Variants in CCDC150 observed in about 807,000 individuals in gnomAD.
CCDC150 encodes the protein coiled-coil domain containing 150.
CCDC150 carries 151 observed loss-of-function variants against 156.5 expected under a neutral mutation model. The observed-to-expected ratio is 0.97, with a 90% confidence interval of 0.85 to 1.10. CCDC150 has a LOEUF of 1.10. Ranked by LOEUF, CCDC150 falls within the 50% of genes least tolerant of loss-of-function variation. CCDC150 has a pLI of 0.00. For synonymous variants in CCDC150, 452 were observed against 429.4 expected, an observed-to-expected ratio of 1.05 and a Z score of -0.65; for missense variants, 1,312 against 1,268.1, an observed-to-expected ratio of 1.03 and a Z score of -0.53.
chr2:196,668,588 T>C (rs1169657772), intron 7 of CCDC150, among the ~76,000 whole-genome samples: 2 of 152,290 alleles, frequency 1.3e-5, no homozygotes, highest in Admixed American at 1.3e-4. Context: ...AATTATAGAC[T>C]TGACATATAT....
chr2:196,675,494 T>A (rs1043610400), intron 10 of CCDC150, among the ~76,000 whole-genome samples: 1 of 152,176 alleles, frequency 6.6e-6, no homozygotes, highest in African/African-American at 2.4e-5. Context: ...TAAAACTAAT[T>A]GTTGATATGT....
At chr2:196,732,236 C>G (rs1447704480) in intron 27 of CCDC150, 84 bp downstream of exon 27, 2 of 1,442,780 alleles carry the variant, frequency 1.4e-6, no homozygotes, top group Admixed American at 3.7e-5. Context: ...CTCATCATCT[C>G]GATACTCTCT....
At chr2:196,671,718 G>A (rs1196897993) in intron 8 of CCDC150, among the ~76,000 whole-genome samples, 4 of 152,040 alleles carry the variant, frequency 2.6e-5, no homozygotes, top group African/African-American at 4.8e-5. Context: ...ATGAGCCATC[G>A]TGCCTGGCTG....
At position 196,639,722 on chromosome 2, in the gene CCDC150, C is replaced by G; in HGVS notation, c.-45C>G. On this transcript the variant is annotated 5_prime_UTR_variant, in exon 1 of 28. Transcript: ENST00000389175. ...GGTTTAAAATGCTGTGTTAGTTCCA[C>G]GGAAACCCGCTCGCCTGCTGCAGTA... 2 of 1,514,538 alleles carry G rather than the reference C, an allele frequency of 1.3e-6. No individual in the cohort carries two copies. Among genetic ancestry groups the G allele is most frequent in the Non-Finnish European group, 1.8e-6 (2 of 1,122,628 alleles). 93.8% of individuals were successfully genotyped at this position (1,514,538 alleles called of 1,614,324 possible). A position where few individuals can be genotyped will look rare whatever the true frequency, so the allele number is the denominator to read the frequency against.
At position 196,705,268 on chromosome 2, in the gene CCDC150, T is replaced by C. The variant is rs139028127; in HGVS notation, c.1695+4088T>C. Among the ~76,000 whole-genome samples the C allele has an allele frequency of 7.4e-3, 1,120 of 152,344 alleles. 11 individuals are homozygous for C. The highest frequency in any genetic ancestry group is 0.026 in the African/African-American group (1,064 of 41,580). ...CTTCTAACTGGTGTGAGATGGTATC[T>C]CATTGTGGTTTTGATTTGCATTTCT... On this transcript the variant is annotated intron_variant, in intron 15 of 27. Transcript: ENST00000389175.
intron 15 of CCDC150, among the ~76,000 whole-genome samples, chr2:196,709,331 C>T (rs377696110): frequency 9.9e-5 from 15 of 152,248 alleles, no homozygotes; most frequent in South Asian, 2.1e-4. Flanking sequence ...ACGTAGTTCT[C>T]GTGCCATGGT....
intron 10 of CCDC150, 27 bp downstream of exon 10, chr2:196,674,375 A>C (rs1427175285): frequency 2.8e-6 from 4 of 1,421,086 alleles, no homozygotes; most frequent in Non-Finnish European, 3.9e-6. Context: ...AAAGCCAACC[A>C]GAAAGCCAGC....
intron 13 of CCDC150, among the ~76,000 whole-genome samples, chr2:196,687,637 G>A (rs962695152): frequency 2.0e-5 from 3 of 151,996 alleles, no homozygotes; most frequent in Non-Finnish European, 2.9e-5. Context: ...CTTTCGTTGC[G>A]ATTGCTTTTG....
intron 5 of CCDC150, among the ~76,000 whole-genome samples, chr2:196,661,708 G>A (rs1693567291): frequency 6.6e-6 from 1 of 152,202 alleles, no homozygotes; most frequent in African/African-American, 2.4e-5. Flanking sequence ...AAATCTGGAT[G>A]TGATAAACAT....
chr2:196,720,417 T>C (rs893231741), intron 19 of CCDC150, among the ~76,000 whole-genome samples, 158 bp from the exon 20 acceptor site: 1 of 152,254 alleles, frequency 6.6e-6, no homozygotes, highest in East Asian at 1.9e-4. Context: ...TCAATCTTTG[T>C]AAAGGCAATA....
chr2:196,646,130 T>G (rs1055697284), intron 1 of CCDC150, among the ~76,000 whole-genome samples: 3 of 152,200 alleles, frequency 2.0e-5, no homozygotes, highest in African/African-American at 7.2e-5. Context: ...CCTGGGATGT[T>G]GCTCATCTCA....
intron 22 of CCDC150, chr2:196,726,339 A>C (rs1698208530): frequency 2.6e-6 from 1 of 388,796 alleles, no homozygotes; most frequent in Middle Eastern, 8.3e-4. Context: ...GATAAGCAAG[A>C]GGGATAGAGG....
At chr2:196,659,968 C>T (rs1281220538) in intron 5 of CCDC150, among the ~76,000 whole-genome samples, 1 of 152,138 alleles carries the variant, frequency 6.6e-6, no homozygotes, top group Non-Finnish European at 1.5e-5. Context: ...CCCTGTGTTC[C>T]ACCTACCCAT....
Position 196,695,090 on chromosome 2 carries a change from A to C in CCDC150, c.1554A>C (p.Glu518Asp), listed in dbSNP as rs1289503498. Residue 518 changes from glutamate to aspartate, a missense_variant, in exon 14 of 28, where the codon GAA becomes GAC. Physicochemically the swap from Glu to Asp is conservative, Grantham distance 45 (BLOSUM62 2). Coordinates refer to ENST00000389175, the MANE Select transcript of CCDC150 (RefSeq NM_001080539.2). ...CTCATAACCTGCAGACTCTTGAAGA[A>C]GAGAATAAGCACCTGGCAGATCAAA... ...TLTHNLQTLE[E>D]ENKHLADQMA... The C allele has an allele frequency of 6.2e-7, 1 of 1,612,668 alleles. No individual in the cohort carries two copies. The highest frequency in any genetic ancestry group is 8.5e-7 in the Non-Finnish European group (1 of 1,179,004).
intron 2 of CCDC150, among the ~76,000 whole-genome samples, chr2:196,648,698 A>G (rs2125571565): frequency 6.6e-6 from 1 of 152,272 alleles, no homozygotes; most frequent in Middle Eastern, 3.4e-3. Flanking sequence ...GTCATATCCA[A>G]GAAATCATTG....
chr2:196,683,969 T>G (rs1480044321), intron 13 of CCDC150, among the ~76,000 whole-genome samples: 1 of 152,050 alleles, frequency 6.6e-6, no homozygotes, highest in African/African-American at 2.4e-5. Context: ...GTGGAAGTTT[T>G]TATAGATTTT....
intron 6 of CCDC150, 120 bp from the exon 7 acceptor site, chr2:196,666,599 T>C (rs984918083): frequency 1.4e-4 from 115 of 842,682 alleles, no homozygotes; most frequent in Non-Finnish European, 1.8e-4. Flanking sequence ...TAACATAGAC[T>C]AACTTCTTGT....
In CCDC150 at chr2:196,732,161, A is replaced by G. The variant is rs745399958; in HGVS notation, c.3189+9A>G. 6.2e-7 allele frequency: 1 copy of G among 1,613,764 alleles called. No individual in the cohort carries two copies. The highest frequency in any genetic ancestry group is 8.5e-7 in the Non-Finnish European group (1 of 1,179,782). ...ACAGGTGGCAGGAAAAGGTAAGATT[A>G]AGACATGGATGTCTTAAGCAATTTT... On this transcript the variant is annotated intron_variant, in intron 27 of 27. Coordinates refer to ENST00000389175, the MANE Select transcript of CCDC150 (RefSeq NM_001080539.2).
At chr2:196,731,883 T>G (rs902409401) in intron 26 of CCDC150, 150 bp from the exon 27 acceptor site, 4 of 625,012 alleles carry the variant, frequency 6.4e-6, no homozygotes, top group African/African-American at 1.8e-5. Flanking sequence ...ATGTATAGGA[T>G]GTTAAGTATA....
Sources: gnomAD v4.1 joint callset for allele counts (sites outside exome capture counted in the v4.1 genomes callset) on GRCh38, gnomAD v4.1.1 for gene constraint, MANE v1.5 for transcripts, NCBI Gene and HGNC (gene_info 2026-07-23, HGNC 2026-07-21) for gene names.